Variants in CNOT6L observed in about 807,000 individuals in gnomAD.
The protein encoded by CNOT6L is CCR4-NOT transcription complex subunit 6-like.
In CNOT6L, 7 loss-of-function variants were observed where a neutral mutation model predicts 64.0. That is an observed-to-expected ratio of 0.11 (90% confidence interval 0.06 to 0.21). CNOT6L has a LOEUF of 0.21. Ranked by LOEUF, CNOT6L falls within the 10% of genes least tolerant of loss-of-function variation. The pLI is 1.00. For missense variants in CNOT6L, 245 were observed against 669.0 expected (o/e 0.37, Z 6.99); for synonymous variants, 193 against 243.4 (o/e 0.79, Z 1.93).
intron 4 of CNOT6L, among the ~76,000 whole-genome samples, chr4:77,771,452 T>C (rs1215461073): frequency 6.6e-6 from 1 of 152,196 alleles, no homozygotes; most frequent in Non-Finnish European, 1.5e-5. Flanking sequence ...GAATGGCTAT[T>C]TCAGCTACAT....
intron 1 of CNOT6L, among the ~76,000 whole-genome samples, chr4:77,814,846 T>C (rs1733380776): frequency 6.6e-6 from 1 of 152,308 alleles, no homozygotes; most frequent in Non-Finnish European, 1.5e-5. Flanking sequence ...TGTGATTCAA[T>C]TAAAGTTGTC....
rs138247913 is a variant in CNOT6L at position 77,722,052 on chromosome 4, C to T, written c.1456-1409G>A. Among the ~76,000 whole-genome samples the T allele has an allele frequency of 5.3e-3, 804 of 151,692 alleles. 5 individuals are homozygous for T. Among genetic ancestry groups the T allele is most frequent in the South Asian group, 0.011 (53 of 4,804 alleles). On this transcript the variant is annotated intron_variant, in intron 11 of 11. Coordinates refer to ENST00000504123, the MANE Select transcript of CNOT6L (RefSeq NM_144571.3). ...ACAAATTAAGGAACTTACATGAGTC[C>T]AGGGGACTCCAAGTTTAAACAGTCA... is the stretch of plus-strand genomic sequence containing the variant.
chr4:77,733,040 A>T (rs1722614086), intron 8 of CNOT6L, among the ~76,000 whole-genome samples: 1 of 152,098 alleles, frequency 6.6e-6, no homozygotes, highest in Admixed American at 6.6e-5. Context: ...TGTCCTATAG[A>T]CAGGATTGAC....
intron 5 of CNOT6L, among the ~76,000 whole-genome samples, chr4:77,756,120 A>C (rs1725552203): frequency 6.6e-6 from 1 of 152,130 alleles, no homozygotes; most frequent in East Asian, 1.9e-4. Flanking sequence ...AGAAGCTTGG[A>C]TTACAGGCAC....
chr4:77,779,835 G>A (rs1413006886), intron 1 of CNOT6L, among the ~76,000 whole-genome samples: 1 of 152,094 alleles, frequency 6.6e-6, no homozygotes, highest in Non-Finnish European at 1.5e-5. Context: ...GTGGTCGCGG[G>A]CGCCTGTAGT....
chr4:77,755,123 A>C (rs915893331), intron 5 of CNOT6L, among the ~76,000 whole-genome samples: 2 of 151,576 alleles, frequency 1.3e-5, no homozygotes, highest in Non-Finnish European at 2.9e-5. Context: ...TATTACCAAA[A>C]AAAAGCTTAC....
At chr4:77,805,086 G>C (rs1484320055) in intron 1 of CNOT6L, among the ~76,000 whole-genome samples, 1 of 152,002 alleles carries the variant, frequency 6.6e-6, no homozygotes, top group Non-Finnish European at 1.5e-5. Flanking sequence ...TACATGGCAG[G>C]ACCTGAGTAT....
intron 5 of CNOT6L, 109 bp from the exon 6 acceptor site, chr4:77,748,493 A>T (rs1037635151): frequency 4.5e-5 from 33 of 731,570 alleles, no homozygotes; most frequent in Middle Eastern, 3.8e-4. Context: ...AACGGCCTGC[A>T]AACTGACTTA....
At chr4:77,778,056 T>C (rs908007859) in intron 1 of CNOT6L, among the ~76,000 whole-genome samples, 2 of 152,236 alleles carry the variant, frequency 1.3e-5, no homozygotes, top group Non-Finnish European at 2.9e-5. Context: ...CTAAACCGTA[T>C]TTTATTTTCC....
intron 1 of CNOT6L, among the ~76,000 whole-genome samples, chr4:77,792,237 G>C (rs1007359431): frequency 2.6e-5 from 4 of 151,926 alleles, no homozygotes; most frequent in Admixed American, 2.6e-4. Flanking sequence ...ATAGATTTGG[G>C]TGCTGTTAAC....
At chr4:77,765,769 C>T (rs1347725466) in intron 4 of CNOT6L, among the ~76,000 whole-genome samples, 4 of 152,132 alleles carry the variant, frequency 2.6e-5, no homozygotes, top group African/African-American at 9.7e-5. Flanking sequence ...TCTATAATTA[C>T]TTATATAGGC....
intron 10 of CNOT6L, 143 bp downstream of exon 10, chr4:77,728,711 C>A: frequency 1.5e-6 from 1 of 664,302 alleles, no homozygotes; most frequent in South Asian, 1.9e-5. Context: ...TTATTAAACT[C>A]TCTTCTATTA....
At chr4:77,798,359 A>G (rs1254413625) in intron 1 of CNOT6L, among the ~76,000 whole-genome samples, 1 of 152,208 alleles carries the variant, frequency 6.6e-6, no homozygotes, top group Non-Finnish European at 1.5e-5. Flanking sequence ...ACACACTGGG[A>G]AAAAATATTT....
intron 1 of CNOT6L, among the ~76,000 whole-genome samples, chr4:77,791,208 G>A (rs1314372107): frequency 6.6e-6 from 1 of 152,048 alleles, no homozygotes; most frequent in African/African-American, 2.4e-5. Flanking sequence ...CCCGGGAAGT[G>A]GGAGCTGCAG....
chr4:77,743,586 C>CTTTTTTTTTTTTTTTTTTT (rs142888128), intron 7 of CNOT6L, among the ~76,000 whole-genome samples: 2 of 70,890 alleles, frequency 2.8e-5, no homozygotes, highest in African/African-American at 1.4e-4. Context: ...TAACACACAA[C>CTTTTTTTTTTTTTTTTTTT]TTTTTTTTTT....
intron 1 of CNOT6L, among the ~76,000 whole-genome samples, chr4:77,815,700 G>A (rs1274395215): frequency 6.6e-6 from 1 of 152,188 alleles, no homozygotes; most frequent in Non-Finnish European, 1.5e-5. Context: ...TTGGAGGAAT[G>A]TTTGTCATTT....
At position 77,776,404 on chromosome 4, in the gene CNOT6L, A is replaced by AC. The variant is rs771738887; in HGVS notation, c.6-13_6-12insG. Reference sequence around the variant, plus strand: ...GCATCCCTATTAGTCTGTTTAAAAAAAAAAAGGAGGAGATCAATAATTATT... The same window carrying AC: ...GCATCCCTATTAGTCTGTTTAAAAAACAAAAAGGAGGAGATCAATAATTATT... On this transcript the variant is annotated splice_polypyrimidine_tract_variant and intron_variant, in intron 1 of 11. Coordinates refer to ENST00000504123, the MANE Select transcript of CNOT6L (RefSeq NM_144571.3). The AC allele has an allele frequency of 2.6e-6, 4 of 1,549,754 alleles. No homozygotes were observed. The Admixed American group carries it at 6.1e-5, about 23-fold the overall frequency.
At chr4:77,780,048 G>A (rs1250263388) in intron 1 of CNOT6L, among the ~76,000 whole-genome samples, 1 of 152,002 alleles carries the variant, frequency 6.6e-6, no homozygotes, top group African/African-American at 2.4e-5. Context: ...TCCCCTCTCA[G>A]GTCTCGGCAT....
chr4:77,814,093 G>T (rs1733289176), intron 1 of CNOT6L, among the ~76,000 whole-genome samples: 1 of 152,028 alleles, frequency 6.6e-6, no homozygotes, highest in African/African-American at 2.4e-5. Flanking sequence ...GATGAACCGT[G>T]AAAACACGGT....
Sources: allele counts gnomAD v4.1 joint callset (sites outside exome capture counted in the v4.1 genomes callset), GRCh38; gene constraint gnomAD v4.1.1; transcripts MANE v1.5; gene names NCBI Gene and HGNC (gene_info 2026-07-23, HGNC 2026-07-21).